The following GALNT13 variants were observed in gnomAD, a reference collection of about 807,000 sequenced individuals.
The protein encoded by GALNT13 is polypeptide N-acetylgalactosaminyltransferase 13.
Under a neutral mutation model 64.2 loss-of-function variants are expected in GALNT13, and 28 were observed. The ratio of observed to expected loss-of-function variants is 0.44; its 90% CI spans 0.32 to 0.60. The LOEUF is 0.60. GALNT13 is among the 20% of genes least tolerant of loss of function. The probability of loss-of-function intolerance (pLI) is 0.05; values close to 1 mark genes in which losing one functional copy is unlikely to be tolerated. For synonymous variants in GALNT13, 214 were observed against 224.6 expected (o/e 0.95, Z 0.42); for missense variants, 577 against 669.8 (o/e 0.86, Z 1.53).
intron 3 of GALNT13, among the ~76,000 whole-genome samples, chr2:154,050,354 C>G (rs1220462504): frequency 1.3e-5 from 2 of 152,066 alleles, no homozygotes. Context: ...TTTGTCTAGC[C>G]CCTCTGACCC....
At chr2:153,503,618 T>G in the GALNT13 span, among the ~76,000 whole-genome samples, 6 of 152,022 alleles carry the variant, frequency 3.9e-5, no homozygotes, top group Non-Finnish European at 7.4e-5. Context: ...TTTTTGTATT[T>G]TTAGTAGAGA....
chr2:153,609,919 G>C, the GALNT13 span, among the ~76,000 whole-genome samples: 2 of 152,082 alleles, frequency 1.3e-5, no homozygotes, highest in Non-Finnish European at 2.9e-5. Flanking sequence ...GACATCCTGA[G>C]CTAGGAAACT....
chr2:154,434,374 C>T (rs1281840409), intron 11 of GALNT13, among the ~76,000 whole-genome samples: 1 of 152,188 alleles, frequency 6.6e-6, no homozygotes, highest in African/African-American at 2.4e-5. Flanking sequence ...ATTCTCCTGC[C>T]TCAGCCTCCA....
At chr2:154,370,574 G>C (rs1697626987) in intron 9 of GALNT13, among the ~76,000 whole-genome samples, 4 of 152,106 alleles carry the variant, frequency 2.6e-5, no homozygotes, top group Non-Finnish European at 5.9e-5. Flanking sequence ...AGTTTCTTAT[G>C]AGCTGCTGTG....
the GALNT13 span, among the ~76,000 whole-genome samples, chr2:153,244,063 G>GAA: frequency 1.4e-5 from 2 of 139,296 alleles, no homozygotes; most frequent in Non-Finnish European, 2.9e-5. Flanking sequence ...GTACTATTGA[G>GAA]AAAAAATGAA....
chr2:153,326,286 A>G, the GALNT13 span, among the ~76,000 whole-genome samples: 2 of 146,890 alleles, frequency 1.4e-5, no homozygotes, highest in Non-Finnish European at 3.0e-5. Flanking sequence ...TTTATCAGAG[A>G]CTAGTATTGC....
the GALNT13 span, among the ~76,000 whole-genome samples, chr2:153,853,844 G>A: frequency 6.6e-6 from 1 of 151,422 alleles, no homozygotes; most frequent in Non-Finnish European, 1.5e-5. Context: ...CAGAATAATG[G>A]TTTCCTAGGA....
intron 4 of GALNT13, among the ~76,000 whole-genome samples, chr2:154,207,369 T>C (rs1687522516): frequency 1.3e-5 from 2 of 152,180 alleles, no homozygotes; most frequent in South Asian, 4.1e-4. Flanking sequence ...TATGTATCAT[T>C]TCCGTACCCA....
chr2:154,006,745 C>T (rs896086784), intron 3 of GALNT13, among the ~76,000 whole-genome samples: 7 of 152,056 alleles, frequency 4.6e-5, no homozygotes, highest in East Asian at 1.9e-4. Flanking sequence ...GCTAAGAAGC[C>T]GGAAGAAGTT....
At chr2:154,254,213 A>G (rs947626707) in intron 7 of GALNT13, among the ~76,000 whole-genome samples, 2 of 152,214 alleles carry the variant, frequency 1.3e-5, no homozygotes, top group African/African-American at 4.8e-5. Flanking sequence ...AGCATTTACC[A>G]GTAACAGCTA....
chr2:153,276,378 C>T, the GALNT13 span, among the ~76,000 whole-genome samples: 1 of 151,964 alleles, frequency 6.6e-6, no homozygotes, highest in Non-Finnish European at 1.5e-5. Context: ...TCTATATTTA[C>T]TTTTAATAAC....
At chr2:153,196,035 C>G in the GALNT13 span, among the ~76,000 whole-genome samples, 1 of 152,112 alleles carries the variant, frequency 6.6e-6, no homozygotes, top group Non-Finnish European at 1.5e-5. Flanking sequence ...TGGCTGAGCC[C>G]AAGGCTTTTA....
intron 8 of GALNT13, among the ~76,000 whole-genome samples, chr2:154,259,432 T>C (rs1573970193): frequency 6.6e-6 from 1 of 152,334 alleles, no homozygotes; most frequent in South Asian, 2.1e-4. Context: ...TTTAATAACG[T>C]GTTGCTCTAT....
chr2:154,133,580 A>ATATATG (rs1249623892), intron 3 of GALNT13, among the ~76,000 whole-genome samples: 86 of 123,544 alleles, frequency 7.0e-4, no homozygotes, highest in Non-Finnish European at 1.1e-3. Flanking sequence ...ATATATATAT[A>ATATATG]TATATCTGAG....
intron 3 of GALNT13, among the ~76,000 whole-genome samples, chr2:154,097,991 G>A (rs923811161): frequency 1.3e-5 from 2 of 151,938 alleles, no homozygotes; most frequent in Admixed American, 1.3e-4. Context: ...CTAGTCAGTG[G>A]CAGACTGGAG....
At chr2:153,810,285 T>C in the GALNT13 span, among the ~76,000 whole-genome samples, 1 of 152,162 alleles carries the variant, frequency 6.6e-6, no homozygotes, top group Non-Finnish European at 1.5e-5. Context: ...CTAATTCTTT[T>C]GACTTGAAAA....
At chr2:154,197,717 G>A (rs1364986732) in intron 4 of GALNT13, among the ~76,000 whole-genome samples, 3 of 144,970 alleles carry the variant, frequency 2.1e-5, no homozygotes, top group African/African-American at 7.9e-5. Context: ...TCTATTCATT[G>A]GACAGCATCC....
chr2:153,321,099 C>T, the GALNT13 span, among the ~76,000 whole-genome samples: 1 of 152,118 alleles, frequency 6.6e-6, no homozygotes, highest in East Asian at 1.9e-4. Flanking sequence ...TCAATACAAG[C>T]TTGATCTTTC....
intron 3 of GALNT13, among the ~76,000 whole-genome samples, chr2:154,058,462 C>G (rs189345017): frequency 6.6e-6 from 1 of 152,026 alleles, no homozygotes; most frequent in African/African-American, 2.4e-5. Context: ...TATAAGGCAA[C>G]GACTTGTGGA....
Sources: allele counts gnomAD v4.1 joint callset (sites outside exome capture counted in the v4.1 genomes callset), GRCh38; gene constraint gnomAD v4.1.1; transcripts MANE v1.5; gene names NCBI Gene and HGNC (gene_info 2026-07-23, HGNC 2026-07-21).